The following AGBL1 variants were observed in gnomAD, a reference collection of about 807,000 sequenced individuals.
AGBL1 encodes AGBL carboxypeptidase 1, also known as cytosolic carboxypeptidase 4.
AGBL1 carries 130 observed loss-of-function variants against 118.9 expected under a neutral mutation model. That is an observed-to-expected ratio of 1.09 (90% CI 0.95 to 1.26). The LOEUF (loss-of-function observed/expected upper bound fraction) is 1.26, where lower values mean the gene tolerates loss of function less well. Among genes scored for constraint, AGBL1 ranks in the 50% most tolerant of loss-of-function variants. AGBL1 has a pLI of 0.00. For missense variants in AGBL1, 1,584 were observed against 1,298.1 expected, an observed-to-expected ratio of 1.22 and a Z score of -3.38; for synonymous variants, 555 against 478.9, an observed-to-expected ratio of 1.16 and a Z score of -2.08.
intron 5 of AGBL1, among the ~76,000 whole-genome samples, chr15:86,205,562 C>T (rs2077977999): frequency 1.3e-5 from 2 of 152,350 alleles, no homozygotes; most frequent in African/African-American, 2.4e-5. Flanking sequence ...TACCGTTTTG[C>T]ATTCGCATCA....
intron 22 of AGBL1, among the ~76,000 whole-genome samples, chr15:86,809,244 T>C (rs1407160388): frequency 6.6e-6 from 1 of 152,152 alleles, no homozygotes; most frequent in Middle Eastern, 3.2e-3. Flanking sequence ...CTGTAGCTCT[T>C]CTCGTTTTTC....
intron 4 of AGBL1, among the ~76,000 whole-genome samples, chr15:86,158,640 T>C (rs76793725): frequency 0.013 from 1,969 of 152,314 alleles, 25 homozygotes; most frequent in East Asian, 0.063. Flanking sequence ...GAAAATGTTT[T>C]GATAATCACC....
chr15:86,405,380 G>A (rs376729441), intron 18 of AGBL1, among the ~76,000 whole-genome samples: 4 of 152,226 alleles, frequency 2.6e-5, no homozygotes, highest in South Asian at 4.1e-4. Flanking sequence ...GCCAGCTGTG[G>A]TGGTGGGTAC....
At position 86,522,795 on chromosome 15, in the gene AGBL1, T is replaced by C; in HGVS notation, c.2556-15T>C. ...TCTGAATGTGTATTTATTTGCTTAT[T>C]ATTTGTTCCTGTAGCCACAGATGCT... On this transcript the variant is annotated splice_polypyrimidine_tract_variant and intron_variant, in intron 18 of 22. Coordinates refer to ENST00000614907, the MANE Select transcript of AGBL1 (RefSeq NM_001386094.1). 2.5e-6 allele frequency: 4 copies of C among 1,612,878 alleles called. No individual in the cohort carries two copies. The highest frequency in any genetic ancestry group is 2.5e-6 in the Non-Finnish European group (3 of 1,179,100).
intron 17 of AGBL1, among the ~76,000 whole-genome samples, chr15:86,347,991 G>A (rs920123405): frequency 6.6e-6 from 1 of 152,004 alleles, no homozygotes; most frequent in African/African-American, 2.4e-5. Flanking sequence ...ATGAGAAAAG[G>A]CTGGGTAAGA....
chr15:86,769,055 A>G (rs28520986), intron 22 of AGBL1, among the ~76,000 whole-genome samples: 29,869 of 151,768 alleles, frequency 0.2, 3,599 homozygotes, highest in African/African-American at 0.35. Context: ...ATATTGCATC[A>G]GTTGCCAGTG....
chr15:86,328,436 A>T (rs2080220009), intron 17 of AGBL1, among the ~76,000 whole-genome samples: 2 of 152,232 alleles, frequency 1.3e-5, no homozygotes, highest in Non-Finnish European at 1.5e-5. Flanking sequence ...AAAAAATACA[A>T]TTTATAAAGA....
At chr15:86,475,896 C>A (rs1310157110) in intron 18 of AGBL1, among the ~76,000 whole-genome samples, 1 of 152,196 alleles carries the variant, frequency 6.6e-6, no homozygotes, top group Non-Finnish European at 1.5e-5. Context: ...CTCTACAAGC[C>A]AGAAGAGAGT....
At chr15:86,584,086 C>T (rs1014462958) in intron 21 of AGBL1, among the ~76,000 whole-genome samples, 1 of 151,920 alleles carries the variant, frequency 6.6e-6, no homozygotes, top group African/African-American at 2.4e-5. Context: ...GGATATTAGA[C>T]CTTTGTTGGA....
chr15:86,161,161 A>G (rs2077262621), intron 5 of AGBL1, among the ~76,000 whole-genome samples: 1 of 152,182 alleles, frequency 6.6e-6, no homozygotes, highest in Non-Finnish European at 1.5e-5. Flanking sequence ...TTCCAGGCAT[A>G]TTTCTACATG....
At chr15:86,333,438 T>C (rs915189688) in intron 17 of AGBL1, among the ~76,000 whole-genome samples, 4 of 152,030 alleles carry the variant, frequency 2.6e-5, no homozygotes, top group East Asian at 3.9e-4. Flanking sequence ...CTAGAAAAAA[T>C]TGGATAAATT....
chr15:86,762,522 A>G (rs1034852181), intron 22 of AGBL1, among the ~76,000 whole-genome samples: 1 of 152,006 alleles, frequency 6.6e-6, no homozygotes, highest in Non-Finnish European at 1.5e-5. Context: ...AAAATTAATC[A>G]TGGAGTTTTC....
intron 21 of AGBL1, among the ~76,000 whole-genome samples, chr15:86,566,706 A>G (rs1188362570): frequency 6.6e-6 from 1 of 152,144 alleles, no homozygotes; most frequent in Non-Finnish European, 1.5e-5. Flanking sequence ...CCTCTGTATC[A>G]GGATACAGAC....
intron 23 of AGBL1, among the ~76,000 whole-genome samples, chr15:86,926,332 C>T (rs1208490214): frequency 1.3e-5 from 2 of 152,212 alleles, no homozygotes; most frequent in South Asian, 2.1e-4. Flanking sequence ...GAATGCCATT[C>T]GTTCTGGTCC....
intron 24 of AGBL1, among the ~76,000 whole-genome samples, chr15:86,994,182 C>T (rs917730650): frequency 6.6e-6 from 1 of 152,024 alleles, no homozygotes; most frequent in African/African-American, 2.4e-5. Context: ...CTTTCAAATT[C>T]AAAGCAGTAG....
At chr15:86,331,024 G>A (rs1476605015) in intron 17 of AGBL1, among the ~76,000 whole-genome samples, 1 of 152,062 alleles carries the variant, frequency 6.6e-6, no homozygotes, top group African/African-American at 2.4e-5. Flanking sequence ...AGGAGTTCGA[G>A]ACCAGGCTGA....
At chr15:86,097,014 G>T (rs936819534) in intron 1 of AGBL1, among the ~76,000 whole-genome samples, 1 of 152,142 alleles carries the variant, frequency 6.6e-6, no homozygotes, top group Non-Finnish European at 1.5e-5. Flanking sequence ...GAAGATATCA[G>T]ACCCTGTACT....
chr15:86,780,320 CT>C (rs2078316696), intron 22 of AGBL1, among the ~76,000 whole-genome samples: 1 of 152,190 alleles, frequency 6.6e-6, no homozygotes, highest in Non-Finnish European at 1.5e-5. Flanking sequence ...TTCTGTTCTA[CT>C]GATTTATGTT....
intron 17 of AGBL1, among the ~76,000 whole-genome samples, chr15:86,370,670 T>C (rs2080959030): frequency 6.6e-6 from 1 of 152,236 alleles, no homozygotes; most frequent in South Asian, 2.1e-4. Flanking sequence ...TGAGCTGATC[T>C]ATACTACTTT....
Sources: gnomAD v4.1 joint callset for allele counts (sites outside exome capture counted in the v4.1 genomes callset) on GRCh38, gnomAD v4.1.1 for gene constraint, MANE v1.5 for transcripts, NCBI Gene and HGNC (gene_info 2026-07-23, HGNC 2026-07-21) for gene names.